The following AFG1L variants were observed in gnomAD, a reference collection of about 807,000 sequenced individuals.
The protein encoded by AFG1L is AFG1 like ATPase, also known as AFG1-like ATPase.
A neutral mutation model predicts 62.2 loss-of-function variants in AFG1L; 53 were observed. The observed-to-expected ratio is 0.85, with a 90% confidence interval of 0.68 to 1.07. AFG1L has a LOEUF of 1.07. Among genes scored for constraint, AFG1L ranks in the 50% least tolerant of loss-of-function variants. AFG1L has a pLI of 0.00. For missense variants in AFG1L, 555 were observed against 590.5 expected, an observed-to-expected ratio of 0.94 and a Z score of 0.62; for synonymous variants, 228 against 210.3, an observed-to-expected ratio of 1.08 and a Z score of -0.73.
At chr6:108,435,394 T>A (rs1407746285) in intron 7 of AFG1L, among the ~76,000 whole-genome samples, 7 of 152,076 alleles carry the variant, frequency 4.6e-5, no homozygotes, top group African/African-American at 1.7e-4. Context: ...AGTGTTTAGG[T>A]CTTACAACAG....
intron 7 of AFG1L, among the ~76,000 whole-genome samples, chr6:108,403,486 A>G (rs923344368): frequency 1.7e-4 from 26 of 152,120 alleles, no homozygotes; most frequent in African/African-American, 6.3e-4. Context: ...AAGGATTTTA[A>G]TTTCTCAGAG....
intron 2 of AFG1L, among the ~76,000 whole-genome samples, chr6:108,343,625 CA>C (rs1423004450): frequency 2.6e-5 from 4 of 152,126 alleles, no homozygotes; most frequent in African/African-American, 9.7e-5. Flanking sequence ...GCAAGTTTTC[CA>C]ATTTGAAGCT....
chr6:108,395,269 G>A (rs1461172380), intron 6 of AFG1L, among the ~76,000 whole-genome samples: 2 of 151,688 alleles, frequency 1.3e-5, no homozygotes, highest in African/African-American at 4.8e-5. Flanking sequence ...GTCTATCATA[G>A]TTATCGAATT....
intron 1 of AFG1L, among the ~76,000 whole-genome samples, chr6:108,307,526 T>G (rs1777250056): frequency 6.6e-6 from 1 of 151,672 alleles, no homozygotes; most frequent in Admixed American, 6.6e-5. Flanking sequence ...TCCTCCCAGC[T>G]CAGTCTCCTG....
intron 7 of AFG1L, among the ~76,000 whole-genome samples, chr6:108,413,045 G>T (rs1365730322): frequency 6.6e-6 from 1 of 151,998 alleles, no homozygotes; most frequent in Admixed American, 6.6e-5. Flanking sequence ...GACACACATG[G>T]GCTCAAAATA....
At chr6:108,335,097 G>T (rs942764417) in intron 2 of AFG1L, among the ~76,000 whole-genome samples, 3 of 151,776 alleles carry the variant, frequency 2.0e-5, no homozygotes, top group African/African-American at 7.3e-5. Context: ...AAGTTAAAGC[G>T]ATTTTCATGC....
intron 10 of AFG1L, among the ~76,000 whole-genome samples, chr6:108,502,309 G>C (rs923553320): frequency 1.8e-4 from 28 of 151,970 alleles, no homozygotes; most frequent in African/African-American, 6.8e-4. Flanking sequence ...GGGTTTAAGT[G>C]ATTCTGCTGC....
At chr6:108,378,815 T>C (rs2114544481) in intron 6 of AFG1L, among the ~76,000 whole-genome samples, 1 of 151,922 alleles carries the variant, frequency 6.6e-6, no homozygotes, top group East Asian at 1.9e-4. Flanking sequence ...ACGTAGGATT[T>C]TTTTCTTTTT....
At chr6:108,343,855 A>T (rs1778770486) in intron 2 of AFG1L, among the ~76,000 whole-genome samples, 1 of 152,196 alleles carries the variant, frequency 6.6e-6, no homozygotes, top group Admixed American at 6.5e-5. Flanking sequence ...AGCAAAGAAG[A>T]TCCTTTTGTC....
chr6:108,432,491 T>A (rs1771119741), intron 7 of AFG1L, among the ~76,000 whole-genome samples: 1 of 152,230 alleles, frequency 6.6e-6, no homozygotes, highest in African/African-American at 2.4e-5. Flanking sequence ...TCTTTTCATT[T>A]TATTTTATCC....
intron 6 of AFG1L, among the ~76,000 whole-genome samples, chr6:108,399,808 T>A (rs1344894241): frequency 7.6e-6 from 1 of 132,010 alleles, no homozygotes; most frequent in East Asian, 2.5e-4. Flanking sequence ...AGATAAGGTC[T>A]CATTCTGTTG....
intron 7 of AFG1L, among the ~76,000 whole-genome samples, chr6:108,445,448 C>T (rs1771730973): frequency 6.6e-6 from 1 of 152,090 alleles, no homozygotes; most frequent in South Asian, 2.1e-4. Flanking sequence ...TGCAAGAGGC[C>T]TAGGTTTTTG....
chr6:108,393,691 T>A (rs1455912078), intron 6 of AFG1L, among the ~76,000 whole-genome samples: 1 of 152,190 alleles, frequency 6.6e-6, no homozygotes. Flanking sequence ...ATAAAAAAGA[T>A]GTTATTCTAC....
chr6:108,461,027 G>A (rs549099493), intron 8 of AFG1L, among the ~76,000 whole-genome samples: 1 of 152,352 alleles, frequency 6.6e-6, no homozygotes, highest in South Asian at 2.1e-4. Flanking sequence ...CTCTCATGTA[G>A]CTGGGGCTAA....
chr6:108,519,648 C>A (rs1253455035), intron 11 of AFG1L, 49 bp from the exon 12 acceptor site: 8 of 979,490 alleles, frequency 8.2e-6, no homozygotes, highest in East Asian at 4.8e-5. Context: ...TTACCTTCAA[C>A]TTGTGAAATG....
Position 108,519,755 on chromosome 6 carries a change from A to T in AFG1L, c.1262A>T (p.His421Leu). Residue 421 changes from histidine (H) to leucine (L), a missense_variant, in exon 12 of 13, where the codon CAT becomes CTT. By Grantham distance (99) the His-to-Leu change is moderately conservative. Coordinates refer to ENST00000368977, the MANE Select transcript of AFG1L (RefSeq NM_145315.5). ...TCAAGCTTATTTTTGCATCAACATCATGACAGTGAGTTGGAGCAAAGCAGA... is the reference window on the plus strand; with the variant it reads ...TCAAGCTTATTTTTGCATCAACATCTTGACAGTGAGTTGGAGCAAAGCAGA... The part of the protein sequence containing the change: ...PISSLFLHQH[H>L]DSELEQSRIL... 1.2e-6 allele frequency: 2 copies of T among 1,613,586 alleles called. No individual in the cohort carries two copies. The highest frequency in any genetic ancestry group is 1.7e-6 in the Non-Finnish European group (2 of 1,179,736).
chr6:108,515,332 A>G (rs1315492420), intron 11 of AFG1L, among the ~76,000 whole-genome samples: 3 of 152,232 alleles, frequency 2.0e-5, no homozygotes, highest in African/African-American at 7.2e-5. Context: ...ACTAGAACTC[A>G]GGATTAAGAA....
chr6:108,299,989 T>C (rs1776915812), intron 1 of AFG1L, among the ~76,000 whole-genome samples: 1 of 152,190 alleles, frequency 6.6e-6, no homozygotes. Flanking sequence ...ATTAAATGTA[T>C]TTCATAGAAG....
intron 8 of AFG1L, among the ~76,000 whole-genome samples, chr6:108,455,059 G>A (rs188395913): frequency 4.6e-5 from 7 of 152,324 alleles, no homozygotes; most frequent in African/African-American, 1.7e-4. Context: ...GGGAAGGGAT[G>A]AAGATATTTG....
Sources: gnomAD v4.1 joint callset for allele counts (sites outside exome capture counted in the v4.1 genomes callset) on GRCh38, gnomAD v4.1.1 for gene constraint, MANE v1.5 for transcripts, NCBI Gene and HGNC (gene_info 2026-07-23, HGNC 2026-07-21) for gene names.